ASIC2: variants seen among roughly 807,000 people sequenced by gnomAD.
The protein encoded by ASIC2 is acid sensing ion channel subunit 2, also known as acid-sensing ion channel 2.
A neutral mutation model predicts 57.3 loss-of-function variants in ASIC2; 25 were observed. That is an observed-to-expected ratio of 0.44 (90% CI 0.32 to 0.61). The LOEUF is 0.61. Among genes scored for constraint, ASIC2 ranks in the 20% least tolerant of loss-of-function variants. The pLI is 0.06. For synonymous variants in ASIC2, 319 were observed against 307.5 expected (o/e 1.04, Z -0.39); for missense variants, 641 against 738.1 (o/e 0.87, Z 1.52).
At chr17:33,975,050 T>C (rs1905337036) in intron 1 of ASIC2, among the ~76,000 whole-genome samples, 1 of 152,212 alleles carries the variant, frequency 6.6e-6, no homozygotes, top group African/African-American at 2.4e-5. Flanking sequence ...CTTTATTCAT[T>C]GGTATATTGC....
chr17:33,785,439 A>G (rs1252815128), intron 1 of ASIC2, among the ~76,000 whole-genome samples: 3 of 152,162 alleles, frequency 2.0e-5, no homozygotes, highest in Non-Finnish European at 4.4e-5. Context: ...CATTTTATAG[A>G]TGAAGACACT....
At chr17:33,325,211 T>G (rs747348730) in intron 1 of ASIC2, among the ~76,000 whole-genome samples, 16 of 152,180 alleles carry the variant, frequency 1.1e-4, no homozygotes, top group Admixed American at 3.9e-4. Context: ...TAAGCAGATA[T>G]TCACACAAAT....
chr17:33,506,322 C>A (rs530870543), intron 1 of ASIC2, among the ~76,000 whole-genome samples: 3 of 149,388 alleles, frequency 2.0e-5, no homozygotes, highest in Non-Finnish European at 4.4e-5. Flanking sequence ...CTGAGGCCGG[C>A]GAATGGTGTG....
intron 1 of ASIC2, among the ~76,000 whole-genome samples, chr17:34,020,310 T>G (rs1174385321): frequency 6.6e-6 from 1 of 152,202 alleles, no homozygotes; most frequent in African/African-American, 2.4e-5. Flanking sequence ...GCCTCTTTAC[T>G]CTAACTGCCT....
At chr17:33,945,924 A>G (rs959767801) in intron 1 of ASIC2, among the ~76,000 whole-genome samples, 2 of 152,244 alleles carry the variant, frequency 1.3e-5, no homozygotes, top group African/African-American at 4.8e-5. Flanking sequence ...TAAAGCATAA[A>G]GATCCATAAT....
chr17:33,051,107 T>G (rs2091973683), intron 3 of ASIC2, among the ~76,000 whole-genome samples: 1 of 152,184 alleles, frequency 6.6e-6, no homozygotes, highest in Non-Finnish European at 1.5e-5. Flanking sequence ...TGCCCCTGGA[T>G]AGACCTTCTT....
intron 1 of ASIC2, among the ~76,000 whole-genome samples, chr17:33,618,640 G>A (rs538531662): frequency 2.0e-5 from 3 of 152,254 alleles, no homozygotes; most frequent in Admixed American, 2.0e-4. Context: ...GACATTCTGA[G>A]CCTTGGTTCC....
chr17:33,622,703 A>G (rs543457375), intron 1 of ASIC2, among the ~76,000 whole-genome samples: 7 of 152,356 alleles, frequency 4.6e-5, no homozygotes, highest in East Asian at 3.9e-4. Context: ...AAATGGAATA[A>G]CCTATATAAA....
intron 1 of ASIC2, among the ~76,000 whole-genome samples, chr17:33,208,842 T>A (rs1197914115): frequency 6.6e-6 from 1 of 152,138 alleles, no homozygotes; most frequent in Non-Finnish European, 1.5e-5. Flanking sequence ...AAGGATAAGC[T>A]AAGGAGATGA....
intron 1 of ASIC2, among the ~76,000 whole-genome samples, chr17:33,815,440 A>G (rs144089358): frequency 6.6e-6 from 1 of 152,168 alleles, no homozygotes; most frequent in African/African-American, 2.4e-5. Flanking sequence ...GCCCAAACCC[A>G]TTGTGTCCAC....
intron 1 of ASIC2, among the ~76,000 whole-genome samples, chr17:33,866,494 C>A (rs1359134667): frequency 6.6e-5 from 10 of 152,074 alleles, no homozygotes; most frequent in Admixed American, 4.6e-4. Flanking sequence ...TATCTCTGAG[C>A]ACTTATGTGA....
chr17:33,178,061 T>C (rs1444479222), intron 1 of ASIC2, among the ~76,000 whole-genome samples: 1 of 152,156 alleles, frequency 6.6e-6, no homozygotes, highest in Non-Finnish European at 1.5e-5. Context: ...CCCCTGAAGG[T>C]TATCCATGGA....
chr17:33,668,776 T>C (rs1266401373), intron 1 of ASIC2, among the ~76,000 whole-genome samples: 1 of 152,202 alleles, frequency 6.6e-6, no homozygotes, highest in Non-Finnish European at 1.5e-5. Flanking sequence ...TTAGTACATG[T>C]AAAGTGTTGG....
chr17:34,057,964 A>G (rs950944921), intron 1 of ASIC2, among the ~76,000 whole-genome samples: 1 of 152,090 alleles, frequency 6.6e-6, no homozygotes, highest in Non-Finnish European at 1.5e-5. Flanking sequence ...CCATAGTCCC[A>G]GACATTTTGA....
At chr17:33,780,403 T>C (rs930443005) in intron 1 of ASIC2, among the ~76,000 whole-genome samples, 2 of 152,150 alleles carry the variant, frequency 1.3e-5, no homozygotes, top group Non-Finnish European at 2.9e-5. Context: ...AGCCACAGTG[T>C]TCCCTAGCCC....
intron 1 of ASIC2, chr17:34,006,840 T>C (rs1386885337): frequency 6.6e-6 from 1 of 152,188 alleles, no homozygotes; most frequent in Non-Finnish European, 1.5e-5. Flanking sequence ...TTGGTGGGTT[T>C]TTTTTCTTTA....
intron 1 of ASIC2, among the ~76,000 whole-genome samples, chr17:33,214,792 G>T (rs1163661335): frequency 6.6e-6 from 1 of 152,184 alleles, no homozygotes; most frequent in Non-Finnish European, 1.5e-5. Context: ...AACTAAAATT[G>T]CATGTCTGCT....
At chr17:33,283,570 C>T (rs1905042392) in intron 1 of ASIC2, among the ~76,000 whole-genome samples, 2 of 152,172 alleles carry the variant, frequency 1.3e-5, no homozygotes, top group Admixed American at 6.5e-5. Context: ...CACTTTTTCC[C>T]TAAGAACATC....
At chr17:33,395,334 GGT>G (rs778328731) in intron 1 of ASIC2, among the ~76,000 whole-genome samples, 4 of 152,146 alleles carry the variant, frequency 2.6e-5, no homozygotes, top group Non-Finnish European at 5.9e-5. Context: ...AGTTCCACAT[GGT>G]GGGGGAAGCC....
Sources: gnomAD v4.1 joint callset for allele counts (sites outside exome capture counted in the v4.1 genomes callset) on GRCh38, gnomAD v4.1.1 for gene constraint, MANE v1.5 for transcripts, NCBI Gene and HGNC (gene_info 2026-07-23, HGNC 2026-07-21) for gene names.